DYNC1I1: variants seen among roughly 807,000 people sequenced by gnomAD.
DYNC1I1 encodes dynein cytoplasmic 1 intermediate chain 1.
In DYNC1I1, 43 loss-of-function variants were observed where a neutral mutation model predicts 86.6. That is an observed-to-expected ratio of 0.50 (90% confidence interval 0.39 to 0.64). The LOEUF is 0.64. Among genes scored for constraint, DYNC1I1 ranks in the 30% least tolerant of loss-of-function variants. The pLI, the probability that DYNC1I1 is intolerant of heterozygous loss-of-function variation, is 0.00. For missense variants in DYNC1I1, 604 were observed against 788.8 expected (o/e 0.77, Z 2.81); for synonymous variants, 262 against 283.7 (o/e 0.92, Z 0.77).
At chr7:96,018,983 A>G (rs1400694098) in intron 10 of DYNC1I1, among the ~76,000 whole-genome samples, 1 of 152,190 alleles carries the variant, frequency 6.6e-6, no homozygotes. Flanking sequence ...AGATCACTAG[A>G]TGTCTACCTT....
At chr7:95,776,742 T>G (rs1251806013) in intron 1 of DYNC1I1, among the ~76,000 whole-genome samples, 1 of 152,192 alleles carries the variant, frequency 6.6e-6, no homozygotes, top group East Asian at 1.9e-4. Flanking sequence ...AAACATCAAC[T>G]GACACTGAGT....
At chr7:96,068,403 C>T (rs1584295168) in intron 14 of DYNC1I1, among the ~76,000 whole-genome samples, 1 of 152,074 alleles carries the variant, frequency 6.6e-6, no homozygotes, top group South Asian at 2.1e-4. Flanking sequence ...ATGTAAAATA[C>T]ATAACATTTA....
At chr7:96,028,082 T>G in intron 10 of DYNC1I1, 93 bp from the exon 11 acceptor site, 6 of 1,490,860 alleles carry the variant, frequency 4.0e-6, no homozygotes, top group Non-Finnish European at 5.4e-6. Flanking sequence ...CAGGATGTGT[T>G]GAGTTTATGT....
Position 96,032,735 on chromosome 7 carries a change from T to C in DYNC1I1, c.1185T>C (p.Asp395=), listed in dbSNP as rs1794842558. Residue 395 remains aspartate, a synonymous_variant, in exon 12 of 17, where the codon GAT becomes GAC. Coordinates refer to ENST00000447467, the MANE Select transcript of DYNC1I1 (RefSeq NM_001135556.2). ...ATAACCTCATCACTGTCTCCACTGA[T>C]GGCAAAATGTGTTCCTGGAGCCTGG... ...NAHNLITVST[D]GKMCSWSLDM... is the part of the protein sequence containing the mutation. The C allele has an allele frequency of 1.9e-6, 3 of 1,613,770 alleles. No homozygotes were observed. The East Asian group carries it at 6.7e-5, about 36-fold the overall frequency.
intron 6 of DYNC1I1, among the ~76,000 whole-genome samples, chr7:95,901,686 C>A (rs893915620): frequency 3.3e-5 from 5 of 152,100 alleles, no homozygotes; most frequent in Non-Finnish European, 7.4e-5. Context: ...CAATTCTCTG[C>A]AAAAGCATTG....
intron 6 of DYNC1I1, among the ~76,000 whole-genome samples, chr7:95,870,594 A>G (rs543096944): frequency 1.5e-4 from 23 of 152,364 alleles, no homozygotes; most frequent in Admixed American, 1.3e-3. Flanking sequence ...TGAGGTAACA[A>G]CACACGAGAG....
intron 1 of DYNC1I1, among the ~76,000 whole-genome samples, chr7:95,792,343 C>T (rs776902896): frequency 3.9e-5 from 6 of 152,144 alleles, no homozygotes; most frequent in Non-Finnish European, 8.8e-5. Flanking sequence ...GCTGAAGGAA[C>T]TTGAGAAATG....
intron 6 of DYNC1I1, among the ~76,000 whole-genome samples, chr7:95,934,361 A>G (rs543714156): frequency 1.3e-4 from 20 of 152,326 alleles, no homozygotes; most frequent in African/African-American, 4.1e-4. Flanking sequence ...TAGGAAAAGC[A>G]AAGAAACAAA....
intron 6 of DYNC1I1, among the ~76,000 whole-genome samples, chr7:95,895,440 G>A (rs866980358): frequency 2.0e-5 from 3 of 152,108 alleles, no homozygotes; most frequent in Admixed American, 6.5e-5. Context: ...GATCAGCTTC[G>A]ACGATTGCTC....
intron 5 of DYNC1I1, among the ~76,000 whole-genome samples, chr7:95,846,254 T>G (rs529035425): frequency 6.6e-6 from 1 of 152,312 alleles, no homozygotes; most frequent in African/African-American, 2.4e-5. Context: ...GAGCCCTTAA[T>G]AGCAGAACCT....
intron 5 of DYNC1I1, among the ~76,000 whole-genome samples, chr7:95,863,918 A>G (rs899460744): frequency 6.6e-6 from 1 of 152,210 alleles, no homozygotes; most frequent in Non-Finnish European, 1.5e-5. Context: ...TAAAGTTTTC[A>G]TAACATCCCA....
chr7:95,894,722 T>C (rs571931170), intron 6 of DYNC1I1, among the ~76,000 whole-genome samples: 65 of 152,318 alleles, frequency 4.3e-4, no homozygotes, highest in Middle Eastern at 6.8e-3. Context: ...TCCTGTAGCA[T>C]AAAAATCTGT....
chr7:95,927,454 A>G (rs1791775231), intron 6 of DYNC1I1, among the ~76,000 whole-genome samples: 1 of 152,182 alleles, frequency 6.6e-6, no homozygotes, highest in Non-Finnish European at 1.5e-5. Flanking sequence ...GTTAGGACTT[A>G]AGGCCATTAT....
intron 1 of DYNC1I1, 21 bp from the exon 2 acceptor site, chr7:95,804,698 CTT>C: frequency 6.5e-7 from 1 of 1,534,070 alleles, no homozygotes; most frequent in South Asian, 1.3e-5. Context: ...TATATGTTCA[CTT>C]TTTTTTTCTC....
intron 1 of DYNC1I1, among the ~76,000 whole-genome samples, chr7:95,787,990 T>A (rs991020510): frequency 5.3e-5 from 8 of 152,040 alleles, no homozygotes; most frequent in African/African-American, 1.9e-4. Context: ...ACCTGATGTG[T>A]TTGAGGAACA....
Position 95,869,888 on chromosome 7 carries a change from G to A in DYNC1I1, c.380G>A (p.Arg127Lys). Reference protein sequence around the residue: ...QLQSDSELGRRLHKLGVSKVT... With the variant: ...QLQSDSELGRKLHKLGVSKVT... ...TTATTCTTTGTTACTTACAGAAGAA[G>A]ACTGCATAAACTGGGCGTGTCAAAG... Residue 127 changes from arginine (R) to lysine (K), a missense_variant, in exon 6 of 17, where the codon AGA (arginine) becomes AAA (lysine). By Grantham distance (26) the Arg-to-Lys change is conservative (BLOSUM62 2). Transcript: ENST00000447467. 6.2e-7 allele frequency: 1 copy of A among 1,613,846 alleles called. No homozygotes were observed. The highest frequency in any genetic ancestry group is 8.5e-7 in the Non-Finnish European group (1 of 1,179,874).
intron 1 of DYNC1I1, among the ~76,000 whole-genome samples, chr7:95,781,779 T>A (rs1051030275): frequency 6.6e-6 from 1 of 152,136 alleles, no homozygotes; most frequent in African/African-American, 2.4e-5. Flanking sequence ...AATAATGACA[T>A]TTAGTACTTT....
intron 10 of DYNC1I1, among the ~76,000 whole-genome samples, chr7:96,008,920 C>T (rs1794205267): frequency 6.6e-6 from 1 of 152,232 alleles, no homozygotes; most frequent in East Asian, 1.9e-4. Context: ...GAAACTGCTT[C>T]AAATACTTGA....
intron 16 of DYNC1I1, among the ~76,000 whole-genome samples, chr7:96,094,963 T>A (rs1219087022): frequency 6.6e-6 from 1 of 152,158 alleles, no homozygotes; most frequent in Non-Finnish European, 1.5e-5. Flanking sequence ...ATTTTGCCAG[T>A]CTAAATGAAA....
Sources: allele counts gnomAD v4.1 joint callset (sites outside exome capture counted in the v4.1 genomes callset), GRCh38; gene constraint gnomAD v4.1.1; transcripts MANE v1.5; gene names NCBI Gene and HGNC (gene_info 2026-07-23, HGNC 2026-07-21).